Variants in ADCY7 observed in about 807,000 individuals in gnomAD.
The protein encoded by ADCY7 is adenylate cyclase 7, also known as adenylate cyclase type 7.
Under a neutral mutation model 120.6 loss-of-function variants are expected in ADCY7, and 72 were observed. That is an observed-to-expected ratio of 0.60 (90% CI 0.49 to 0.73). ADCY7 has a LOEUF of 0.73. ADCY7 is among the 30% of genes least tolerant of loss of function. The pLI is 0.00. For missense variants in ADCY7, 1,227 were observed against 1,486.0 expected (o/e 0.83, Z 2.87); for synonymous variants, 661 against 628.0 (o/e 1.05, Z -0.78).
At position 50,313,948 on chromosome 16, in the gene ADCY7, T is replaced by C. The variant is rs772453981; in HGVS notation, c.2752-10T>C. On this transcript the variant is annotated splice_polypyrimidine_tract_variant and intron_variant, in intron 22 of 25. Transcript: ENST00000673801. Reference sequence around the variant, plus strand: ...TGGCGGCTGCTTCACCGCTTCCTTCTTGCCTGCAGCTCCTACTGAAGCCCA... The same window carrying C: ...TGGCGGCTGCTTCACCGCTTCCTTCCTGCCTGCAGCTCCTACTGAAGCCCA... 7 of 1,609,122 alleles carry C rather than the reference T, an allele frequency of 4.4e-6. No homozygotes were observed. The highest frequency in any genetic ancestry group is 4.5e-5 in the East Asian group (2 of 44,826).
rs2036764775 is a variant in ADCY7 at position 50,315,574 on chromosome 16, C to A, written c.*69C>A. The A allele has an allele frequency of 1.9e-6, 3 of 1,546,348 alleles. No homozygotes were observed. Among genetic ancestry groups the A allele is most frequent in the East Asian group, 2.3e-5 (1 of 44,014 alleles). ...TCCCTGAAGCAAGCCCAGGAGAAGA[C>A]TCTCCGCCCCACGCCAATCCCAAAG... On this transcript the variant is annotated 3_prime_UTR_variant, in exon 26 of 26. Transcript: ENST00000673801.
At chr16:50,286,547 C>G (rs939604650) in intron 1 of ADCY7, among the ~76,000 whole-genome samples, 1 of 152,146 alleles carries the variant, frequency 6.6e-6, no homozygotes, top group Non-Finnish European at 1.5e-5. Flanking sequence ...TATGCCCCCC[C>G]ACCTTCCCTT....
intron 1 of ADCY7, among the ~76,000 whole-genome samples, chr16:50,268,672 G>A (rs1448412457): frequency 6.6e-6 from 1 of 152,166 alleles, no homozygotes; most frequent in African/African-American, 2.4e-5. Flanking sequence ...GTAGGTCTGG[G>A]AGGTTTGCTT....
intron 1 of ADCY7, among the ~76,000 whole-genome samples, chr16:50,280,616 G>A (rs1358163476): frequency 4.6e-5 from 7 of 152,160 alleles, no homozygotes; most frequent in African/African-American, 1.7e-4. Context: ...CCCTAGCTGT[G>A]TCCCAAAGAA....
At chr16:50,246,668 G>C (rs1385802941) in intron 1 of ADCY7, among the ~76,000 whole-genome samples, 2 of 152,164 alleles carry the variant, frequency 1.3e-5, no homozygotes, top group African/African-American at 4.8e-5. Flanking sequence ...CGCTCCCGCC[G>C]GAGCCAGCAG....
At chr16:50,292,861 CCT>C in intron 5 of ADCY7, 36 bp downstream of exon 5, 1 of 1,601,494 alleles carries the variant, frequency 6.2e-7, no homozygotes, top group Non-Finnish European at 8.5e-7. Context: ...CCTGTACACC[CCT>C]GTCCTCTTCC....
chr16:50,303,340 A>T (rs1170287693), intron 10 of ADCY7, among the ~76,000 whole-genome samples: 1 of 152,112 alleles, frequency 6.6e-6, no homozygotes, highest in Non-Finnish European at 1.5e-5. Context: ...TCCCAAAAGG[A>T]GGTGAGAGGT....
intron 1 of ADCY7, among the ~76,000 whole-genome samples, chr16:50,255,571 T>C (rs2032896772): frequency 6.6e-6 from 1 of 152,212 alleles, no homozygotes; most frequent in Admixed American, 6.5e-5. Context: ...CTTGGCTCAC[T>C]GCAAACTCTG....
chr16:50,261,901 G>A (rs758319310), upstream of ADCY7, among the ~76,000 whole-genome samples: 2 of 152,216 alleles, frequency 1.3e-5, no homozygotes, highest in African/African-American at 2.4e-5. Context: ...CTTAGGGGAA[G>A]GAAGAGGTGA....
intron 8 of ADCY7, among the ~76,000 whole-genome samples, chr16:50,300,172 G>T (rs930659949): frequency 6.6e-6 from 1 of 152,178 alleles, no homozygotes; most frequent in South Asian, 2.1e-4. Context: ...CTGGGTTCAA[G>T]CGATTCTCCT....
At chr16:50,284,036 A>G (rs866885975) in intron 1 of ADCY7, among the ~76,000 whole-genome samples, 2 of 152,136 alleles carry the variant, frequency 1.3e-5, no homozygotes, top group Admixed American at 1.3e-4. Flanking sequence ...CCTGTTGCCA[A>G]CTGAGTCGAG....
chr16:50,311,804 C>CT lies in ADCY7; in HGVS notation c.2448+18_2448+19insT, dbSNP rs755032037. ...CCAGACAGGTAAGGAGGCTGGCCCCCCCCCCCCCCCCAAGCTCTGCCCACT... is the reference window on the plus strand; with the variant it reads ...CCAGACAGGTAAGGAGGCTGGCCCCCTCCCCCCCCCCCAAGCTCTGCCCACT... On this transcript the variant is annotated intron_variant, in intron 20 of 25. Transcript: ENST00000673801. The CT allele has an allele frequency of 1.9e-5, 23 of 1,225,976 alleles. No individual in the cohort carries two copies. The Admixed American group carries it at 2.4e-4, about 13-fold the overall frequency. The allele number at this position is 1,225,976 out of a possible 1,614,324, so 75.9% of individuals were successfully genotyped here. A position where few individuals can be genotyped will look rare whatever the true frequency, so the allele number is the denominator to read the frequency against.
intron 1 of ADCY7, among the ~76,000 whole-genome samples, chr16:50,278,835 C>T (rs1388226689): frequency 6.6e-6 from 1 of 150,668 alleles, no homozygotes; most frequent in Admixed American, 6.6e-5. Context: ...TGGGTTGCAT[C>T]TGTCCATGGG....
intron 16 of ADCY7, 98 bp downstream of exon 16, chr16:50,308,509 C>T: frequency 6.3e-7 from 1 of 1,581,626 alleles, no homozygotes; most frequent in Non-Finnish European, 8.6e-7. Flanking sequence ...TGAGCCCCTG[C>T]TCTGGTCAAG....
At position 50,314,704 on chromosome 16, in the gene ADCY7, G is replaced by A. The variant is rs567252724; in HGVS notation, c.2971+298G>A. The A allele has an allele frequency of 1.4e-4, 65 of 450,166 alleles. No individual in the cohort carries two copies. The Admixed American group carries it at 1.6e-3, about 11-fold the overall frequency. 27.9% of individuals were successfully genotyped at this position (450,166 alleles called of 1,614,324 possible). A position where few individuals can be genotyped will look rare whatever the true frequency, so the allele number is the denominator to read the frequency against. ...AAAGTTACTAAACCTAAATAGTTGC[G>A]GGCCTGCGCTCAAAGCCAGGCCTTT... On this transcript the variant is annotated intron_variant, in intron 24 of 25. Coordinates refer to ENST00000673801, the MANE Select transcript of ADCY7 (RefSeq NM_001114.5).
rs780648752 is a variant in ADCY7 at position 50,300,863 on chromosome 16, G to A, written c.1225G>A (p.Gly409Arg). 7.1e-6 allele frequency: 11 copies of A among 1,556,384 alleles called. No individual in the cohort carries two copies. Among genetic ancestry groups the A allele is most frequent in the Non-Finnish European group, 8.7e-6 (10 of 1,149,754 alleles). ...CCTGGCCAACCGGATGGAGGCAGCCGGAGTACCCGGGTGAGGCTGGGCTGG... is the reference window on the plus strand; with the variant it reads ...CCTGGCCAACCGGATGGAGGCAGCCAGAGTACCCGGGTGAGGCTGGGCTGG... Reference protein sequence around the residue: ...VSLANRMEAAGVPGRVHITEA... With the variant: ...VSLANRMEAARVPGRVHITEA... The change falls in exon 9 of 26, where the codon GGA becomes AGA. Residue 409 changes from glycine to arginine, a missense_variant. Physicochemically the swap from Gly to Arg is moderately radical, Grantham distance 125 (BLOSUM62 -2). Transcript: ENST00000673801.
Position 50,298,541 on chromosome 16 carries a change from T to A in ADCY7, c.949-363T>A, listed in dbSNP as rs111879464. On this transcript the variant is annotated intron_variant, in intron 7 of 25. Coordinates refer to ENST00000673801, the MANE Select transcript of ADCY7 (RefSeq NM_001114.5). ...CCCTCCTGCCTACGTGCAAGCTCCG[T>A]GGCTGCAGAGATTTGCATCTATTTT... Among the ~76,000 whole-genome samples the A allele has an allele frequency of 4.8e-3, 729 of 152,338 alleles. 2 individuals are homozygous for A. Among genetic ancestry groups the A allele is most frequent in the Middle Eastern group, 0.014 (4 of 294 alleles).
intron 1 of ADCY7, among the ~76,000 whole-genome samples, chr16:50,283,412 A>C (rs2034396873): frequency 6.6e-6 from 1 of 152,212 alleles, no homozygotes; most frequent in South Asian, 2.1e-4. Context: ...GTGTCAGGTC[A>C]CCGACAAAAG....
chr16:50,308,739 A>G lies in ADCY7; in HGVS notation c.2008A>G (p.Thr670Ala). ...RVETQPLLRL[T>A]LAVLTIGSLL... ...GGAGACACAGCCCCTGCTGAGGCTG[A>G]CCCTGGCCGTCCTGACCATCGGCAG... The change falls in exon 17 of 26, where the codon ACC becomes GCC. Residue 670 changes from threonine to alanine, a missense_variant. Thr to Ala is a moderately conservative substitution (Grantham distance 58). Transcript: ENST00000673801. The G allele has an allele frequency of 6.2e-7, 1 of 1,613,394 alleles. No homozygotes were observed. The highest frequency in any genetic ancestry group is 8.5e-7 in the Non-Finnish European group (1 of 1,179,966).
Sources: gnomAD v4.1 joint callset for allele counts (sites outside exome capture counted in the v4.1 genomes callset) on GRCh38, gnomAD v4.1.1 for gene constraint, MANE v1.5 for transcripts, NCBI Gene and HGNC (gene_info 2026-07-23, HGNC 2026-07-21) for gene names.